The following FBXL7 variants were observed in gnomAD, a reference collection of about 807,000 sequenced individuals.
FBXL7 encodes F-box/LRR-repeat protein 7.
A neutral mutation model predicts 38.3 loss-of-function variants in FBXL7; 12 were observed. The observed-to-expected ratio is 0.31, with a 90% CI of 0.20 to 0.51. The LOEUF is 0.51. FBXL7 is among the 20% of genes least tolerant of loss of function. FBXL7 has a pLI of 0.98. For missense variants in FBXL7, 567 were observed against 676.4 expected (o/e 0.84, Z 1.79); for synonymous variants, 297 against 300.9 (o/e 0.99, Z 0.13).
intron 2 of FBXL7, among the ~76,000 whole-genome samples, chr5:15,718,680 A>G (rs183551768): frequency 2.7e-4 from 41 of 152,372 alleles, no homozygotes; most frequent in Admixed American, 6.5e-4. Context: ...AGGAAAAAAT[A>G]CGTGGTGTTT....
chr5:15,821,681 TG>T (rs1412644993), intron 2 of FBXL7, among the ~76,000 whole-genome samples: 1 of 152,194 alleles, frequency 6.6e-6, no homozygotes, highest in Non-Finnish European at 1.5e-5. Flanking sequence ...CCACTATCCA[TG>T]GCTTACACAT....
chr5:15,727,617 T>A (rs1253866274), intron 2 of FBXL7, among the ~76,000 whole-genome samples: 1 of 152,162 alleles, frequency 6.6e-6, no homozygotes, highest in African/African-American at 2.4e-5. Context: ...ATGTGACAGA[T>A]TTCTTCTCTC....
intron 1 of FBXL7, among the ~76,000 whole-genome samples, chr5:15,590,107 G>A (rs1430740471): frequency 2.0e-5 from 3 of 152,124 alleles, no homozygotes; most frequent in Non-Finnish European, 4.4e-5. Context: ...GATATGCTTG[G>A]AAGAGGGAAG....
intron 2 of FBXL7, among the ~76,000 whole-genome samples, chr5:15,886,006 C>G (rs1740661144): frequency 6.6e-6 from 1 of 152,056 alleles, no homozygotes; most frequent in Non-Finnish European, 1.5e-5. Flanking sequence ...TAGGCATGAG[C>G]CACTGTGCCC....
chr5:15,638,818 G>T (rs1001127832), intron 2 of FBXL7, among the ~76,000 whole-genome samples: 2 of 152,136 alleles, frequency 1.3e-5, no homozygotes, highest in Non-Finnish European at 2.9e-5. Flanking sequence ...AGGCTACCAA[G>T]AGTAAATGCT....
intron 1 of FBXL7, among the ~76,000 whole-genome samples, chr5:15,571,092 T>TAAAAAAAA (rs397996852): frequency 1.5e-5 from 2 of 129,292 alleles, no homozygotes; most frequent in African/African-American, 2.9e-5. Context: ...ATTCTGTCTT[T>TAAAAAAAA]AAAAAAAAAA....
chr5:15,803,212 T>C (rs1215842205), intron 2 of FBXL7, among the ~76,000 whole-genome samples: 1 of 152,190 alleles, frequency 6.6e-6, no homozygotes, highest in East Asian at 1.9e-4. Flanking sequence ...ATAACATAAG[T>C]ATAACCTTGA....
At chr5:15,669,181 A>C (rs1043107192) in intron 2 of FBXL7, among the ~76,000 whole-genome samples, 1 of 152,060 alleles carries the variant, frequency 6.6e-6, no homozygotes, top group Admixed American at 6.6e-5. Context: ...CCTATCAATA[A>C]TTTTTTTTAA....
intron 2 of FBXL7, among the ~76,000 whole-genome samples, chr5:15,780,840 T>C (rs959418884): frequency 6.6e-6 from 1 of 152,168 alleles, no homozygotes; most frequent in African/African-American, 2.4e-5. Context: ...AGTCAGATAT[T>C]TGGCCACCAC....
chr5:15,543,669 A>G (rs114222884), intron 1 of FBXL7, among the ~76,000 whole-genome samples: 1,553 of 152,330 alleles, frequency 0.01, 15 homozygotes, highest in Middle Eastern at 0.051. Flanking sequence ...TTGACAAGTC[A>G]GGGTCTGGTT....
chr5:15,755,982 A>C (rs1283580926), intron 2 of FBXL7, among the ~76,000 whole-genome samples: 1 of 152,204 alleles, frequency 6.6e-6, no homozygotes, highest in Non-Finnish European at 1.5e-5. Context: ...CTACTGCCCT[A>C]CTGGCTGGTT....
chr5:15,513,355 A>G (rs1736853964), intron 1 of FBXL7, among the ~76,000 whole-genome samples: 1 of 152,206 alleles, frequency 6.6e-6, no homozygotes, highest in African/African-American at 2.4e-5. Context: ...TTTCTTTAAT[A>G]ACATGATATC....
chr5:15,756,772 G>T (rs896682406), intron 2 of FBXL7, among the ~76,000 whole-genome samples: 1 of 101,516 alleles, frequency 9.9e-6, no homozygotes, highest in South Asian at 3.6e-4. Flanking sequence ...ATTAGGTTCC[G>T]TCTGCTTTGT....
chr5:15,700,441 GAGACTAAGA>G (rs367763348), intron 2 of FBXL7, among the ~76,000 whole-genome samples: 25 of 152,268 alleles, frequency 1.6e-4, no homozygotes, highest in African/African-American at 5.8e-4. Flanking sequence ...CTGATTTTTG[GAGACTAAGA>G]TAATTCCAAT....
At chr5:15,782,595 CAT>C (rs1737026724) in intron 2 of FBXL7, among the ~76,000 whole-genome samples, 1 of 151,838 alleles carries the variant, frequency 6.6e-6, no homozygotes, top group South Asian at 2.1e-4. Context: ...AGCCTTTTTT[CAT>C]ATGTTTGTTG....
At chr5:15,629,405 T>C (rs1489150214) in intron 2 of FBXL7, among the ~76,000 whole-genome samples, 3 of 152,330 alleles carry the variant, frequency 2.0e-5, no homozygotes, top group South Asian at 2.1e-4. Context: ...TACACATTGA[T>C]TTTATCAATT....
At chr5:15,699,173 G>A (rs1395232253) in intron 2 of FBXL7, among the ~76,000 whole-genome samples, 4 of 152,082 alleles carry the variant, frequency 2.6e-5, no homozygotes, top group African/African-American at 9.7e-5. Context: ...TTCCTGTTGT[G>A]TTATAATTGG....
chr5:15,551,709 CTCT>C (rs1738077115), intron 1 of FBXL7, among the ~76,000 whole-genome samples: 1 of 151,928 alleles, frequency 6.6e-6, no homozygotes, highest in Non-Finnish European at 1.5e-5. Flanking sequence ...CATTTTATGC[CTCT>C]TCATTTTTTC....
chr5:15,883,165 T>C (rs1334611452), intron 2 of FBXL7, among the ~76,000 whole-genome samples: 1 of 152,190 alleles, frequency 6.6e-6, no homozygotes, highest in East Asian at 1.9e-4. Context: ...AGGTAGAAAA[T>C]ATAAGGATTA....
Sources: allele counts gnomAD v4.1 joint callset (sites outside exome capture counted in the v4.1 genomes callset), GRCh38; gene constraint gnomAD v4.1.1; transcripts MANE v1.5; gene names NCBI Gene and HGNC (gene_info 2026-07-23, HGNC 2026-07-21).